Variants in PHLPP2 observed in about 807,000 individuals in gnomAD.
PHLPP2 encodes PH domain and leucine rich repeat protein phosphatase 2, also known as PH domain leucine-rich repeat-containing protein phosphatase 2.
Under a neutral mutation model 124.9 loss-of-function variants are expected in PHLPP2, and 66 were observed. That is an observed-to-expected ratio of 0.53 (90% CI 0.43 to 0.65). The LOEUF is 0.65. Among genes scored for constraint, PHLPP2 ranks in the 30% least tolerant of loss-of-function variants. The probability of loss-of-function intolerance (pLI) is 0.00; values close to 1 mark genes in which losing one functional copy is unlikely to be tolerated. For synonymous variants in PHLPP2, 681 were observed against 624.7 expected, an observed-to-expected ratio of 1.09 and a Z score of -1.34; for missense variants, 1,685 against 1,600.4, an observed-to-expected ratio of 1.05 and a Z score of -0.90.
At chr16:71,710,898 C>T (rs1487790424) in intron 2 of PHLPP2, among the ~76,000 whole-genome samples, 3 of 152,174 alleles carry the variant, frequency 2.0e-5, no homozygotes, top group Non-Finnish European at 4.4e-5. Context: ...AGGATTTGAA[C>T]CCATACACTC....
At position 71,649,479 on chromosome 16, in the gene PHLPP2, A is replaced by C. The variant is rs138118399; in HGVS notation, c.3383T>G (p.Leu1128Arg). Residue 1128 changes from leucine (L) to arginine (R), a missense_variant, in exon 19 of 19, where the codon CTG becomes CGG. Leu to Arg is a moderately radical substitution (Grantham distance 102). Transcript: ENST00000568954. ...AGCAGAAGAAGGCTGGCGCTGAAAC[A>C]GCCCAGAGGTGGGTGTTGGGTGGAG... ...CSLHPTPTSGLFQRQPSSATF... is the reference protein window; with the variant it reads ...CSLHPTPTSGRFQRQPSSATF... The C allele has an allele frequency of 1.9e-6, 3 of 1,614,022 alleles. No individual in the cohort carries two copies. The African/African-American group carries it at 4.0e-5, about 22-fold the overall frequency.
intron 10 of PHLPP2, among the ~76,000 whole-genome samples, chr16:71,671,158 T>C (rs1399481215): frequency 1.3e-5 from 2 of 152,180 alleles, no homozygotes; most frequent in African/African-American, 4.8e-5. Flanking sequence ...TACTGATCCA[T>C]GCTGGGGTTT....
intron 13 of PHLPP2, among the ~76,000 whole-genome samples, chr16:71,659,536 C>T (rs1319747866): frequency 6.6e-6 from 1 of 152,164 alleles, no homozygotes; most frequent in Admixed American, 6.5e-5. Context: ...TAGGCATGAG[C>T]CACCGCACCC....
At chr16:71,661,577 A>G (rs2044790442) in intron 13 of PHLPP2, among the ~76,000 whole-genome samples, 1 of 152,138 alleles carries the variant, frequency 6.6e-6, no homozygotes, top group Non-Finnish European at 1.5e-5. Context: ...GGTTAATCTG[A>G]TAAAATTTCA....
intron 12 of PHLPP2, 82 bp downstream of exon 12, chr16:71,667,096 C>G: frequency 8.3e-7 from 1 of 1,207,626 alleles, no homozygotes; most frequent in Non-Finnish European, 1.2e-6. Context: ...AATACAGTTC[C>G]AAAGGTCACT....
intron 6 of PHLPP2, among the ~76,000 whole-genome samples, chr16:71,680,676 T>G (rs2044988689): frequency 6.6e-6 from 1 of 152,216 alleles, no homozygotes. Flanking sequence ...TATCACCTAC[T>G]TTTAGATTTG....
At chr16:71,674,808 C>T (rs1596998847) in intron 9 of PHLPP2, among the ~76,000 whole-genome samples, 1 of 152,094 alleles carries the variant, frequency 6.6e-6, no homozygotes, top group Non-Finnish European at 1.5e-5. Flanking sequence ...AACAGCAAGG[C>T]CAATATGGTG....
intron 13 of PHLPP2, among the ~76,000 whole-genome samples, chr16:71,659,182 C>T (rs747689344): frequency 2.2e-4 from 34 of 151,668 alleles, no homozygotes; most frequent in Non-Finnish European, 3.8e-4. Context: ...AAGTCAATGT[C>T]AGCAGTCTTT....
Position 71,648,971 on chromosome 16 carries a change from CTG to C in PHLPP2, c.3889_3890del (p.Gln1297AlafsTer9), listed in dbSNP as rs777760011. The C allele has an allele frequency of 4.3e-6, 7 of 1,614,074 alleles. 1 individual carries two copies. In the South Asian group the frequency reaches 7.7e-5, roughly 18 times the overall value. On this transcript the variant is annotated frameshift_variant, in exon 19 of 19. Transcript: ENST00000568954. LOFTEE classifies it high-confidence loss of function. Reference sequence around the variant, plus strand: ...CAGGCTCGAGCCGGCTGTCCTGGTGCTGTTTCATTTGTTCCTTCACTTCTTCT... The same window carrying C: ...CAGGCTCGAGCCGGCTGTCCTGGTGCTTTCATTTGTTCCTTCACTTCTTCT... ...LEEEVKEQMK[Q>X]HQDSRLEPEP...
intron 4 of PHLPP2, among the ~76,000 whole-genome samples, chr16:71,685,462 GC>G: frequency 6.6e-6 from 1 of 152,282 alleles, no homozygotes; most frequent in Admixed American, 6.5e-5. Flanking sequence ...TCACAGCTTG[GC>G]AAATCAGATG....
intron 1 of PHLPP2, among the ~76,000 whole-genome samples, chr16:71,722,412 G>A (rs367600714): frequency 1.3e-5 from 2 of 152,150 alleles, no homozygotes; most frequent in East Asian, 3.9e-4. Context: ...GGGTGACAGA[G>A]TGAGACCCTG....
At chr16:71,664,214 A>G (rs1056712894) in intron 12 of PHLPP2, 115 bp from the exon 13 acceptor site, 51 of 186,234 alleles carry the variant, frequency 2.7e-4, no homozygotes, top group Middle Eastern at 4.0e-3. Context: ...TCCAAATGGG[A>G]AAAAAAAAAA....
intron 3 of PHLPP2, among the ~76,000 whole-genome samples, chr16:71,696,738 G>C (rs138624966): frequency 7.8e-4 from 118 of 151,464 alleles, no homozygotes; most frequent in Non-Finnish European, 1.3e-3. Flanking sequence ...TAATTTCCTT[G>C]CTCTCTTTAT....
At chr16:71,697,736 A>G (rs746553194) in intron 3 of PHLPP2, among the ~76,000 whole-genome samples, 3 of 151,986 alleles carry the variant, frequency 2.0e-5, no homozygotes, top group Non-Finnish European at 4.4e-5. Flanking sequence ...CCAGAGCTAC[A>G]ACTTCCCTCA....
At chr16:71,685,494 G>C (rs554317410) in intron 4 of PHLPP2, among the ~76,000 whole-genome samples, 7 of 152,206 alleles carry the variant, frequency 4.6e-5, no homozygotes, top group Non-Finnish European at 1.0e-4. Flanking sequence ...TTAGGTTTCT[G>C]TGCCAACTGA....
chr16:71,649,746 C>T lies in PHLPP2; in HGVS notation c.3116G>A (p.Gly1039Asp). ...MVVYLNIGEEGCTCEMNGLTL... is the reference protein window; with the variant it reads ...MVVYLNIGEEDCTCEMNGLTL... ...GAGCCCATTCATTTCACAAGTGCAGCCTTCCTCACCAATATTCAAATAAAC... is the reference window on the plus strand; with the variant it reads ...GAGCCCATTCATTTCACAAGTGCAGTCTTCCTCACCAATATTCAAATAAAC... Residue 1039 changes from glycine (G) to aspartate (D), a missense_variant, in exon 19 of 19, where the codon GGC (glycine) becomes GAC (aspartate). Gly to Asp is a moderately conservative substitution (Grantham distance 94). Transcript: ENST00000568954. 2 of 1,614,204 alleles carry T rather than the reference C, an allele frequency of 1.2e-6. No individual in the cohort carries two copies. The highest frequency in any genetic ancestry group is 1.7e-6 in the Non-Finnish European group (2 of 1,180,046).
In PHLPP2 at chr16:71,649,470, C is replaced by T. The variant is rs150429598; in HGVS notation, c.3392G>A (p.Arg1131His). ...GGAGAAGGTAGCAGAAGAAGGCTGG[C>T]GCTGAAACAGCCCAGAGGTGGGTGT... ...HPTPTSGLFQRQPSSATFSSN... is the reference protein window; with the variant it reads ...HPTPTSGLFQHQPSSATFSSN... Residue 1131 changes from arginine (R) to histidine (H), a missense_variant, in exon 19 of 19, where the codon CGC (arginine) becomes CAC (histidine). Transcript: ENST00000568954. 8.1e-6 allele frequency: 13 copies of T among 1,613,926 alleles called. No individual in the cohort carries two copies. Among genetic ancestry groups the T allele is most frequent in the African/African-American group, 2.7e-5 (2 of 74,904 alleles).
intron 2 of PHLPP2, among the ~76,000 whole-genome samples, chr16:71,704,331 T>C (rs1318167522): frequency 7.1e-6 from 1 of 141,764 alleles, no homozygotes; most frequent in East Asian, 2.1e-4. Flanking sequence ...AAAAACTTAA[T>C]AATTATAGTA....
At chr16:71,719,941 G>A (rs1252123477) in intron 1 of PHLPP2, among the ~76,000 whole-genome samples, 1 of 141,214 alleles carries the variant, frequency 7.1e-6, no homozygotes, top group African/African-American at 2.7e-5. Context: ...GGGATTACAG[G>A]TGCACAACAC....
Sources: gnomAD v4.1 joint callset for allele counts (sites outside exome capture counted in the v4.1 genomes callset) on GRCh38, gnomAD v4.1.1 for gene constraint, MANE v1.5 for transcripts, NCBI Gene and HGNC (gene_info 2026-07-23, HGNC 2026-07-21) for gene names.